PPP1R13B: variants seen among roughly 807,000 people sequenced by gnomAD.
The protein encoded by PPP1R13B is protein phosphatase 1 regulatory subunit 13B.
In PPP1R13B, 44 loss-of-function variants were observed where a neutral mutation model predicts 119.8. The observed-to-expected ratio is 0.37, with a 90% CI of 0.29 to 0.47. The LOEUF is 0.47. Ranked by LOEUF, PPP1R13B falls within the 20% of genes least tolerant of loss-of-function variation. PPP1R13B has a pLI of 0.99. For missense variants in PPP1R13B, 1,227 were observed against 1,413.5 expected, an observed-to-expected ratio of 0.87 and a Z score of 2.12; for synonymous variants, 542 against 561.5, an observed-to-expected ratio of 0.97 and a Z score of 0.49.
At chr14:103,783,874 C>T (rs1402238346) in intron 3 of PPP1R13B, among the ~76,000 whole-genome samples, 1 of 152,176 alleles carries the variant, frequency 6.6e-6, no homozygotes, top group Admixed American at 6.5e-5. Context: ...ATTCATTTAT[C>T]AGTCTTGTCT....
chr14:103,740,654 C>T lies in PPP1R13B; in HGVS notation c.1823-61G>A, dbSNP rs1448241259. The stretch of plus-strand genomic sequence containing the variant: ...CACTACAGAGATCTAGTCATACACA[C>T]CTATGATTACACCAGAGACAGGCTC... On this transcript the variant is annotated intron_variant, in intron 11 of 16. Transcript: ENST00000202556. This position sits in a 1 kb window ranked among gnomAD's most constrained non-coding sequence, Gnocchi z 4.6. The T allele has an allele frequency of 2.2e-6, 3 of 1,341,786 alleles. No individual in the cohort carries two copies. Among genetic ancestry groups the T allele is most frequent in the East Asian group, 2.4e-5 (1 of 41,060 alleles). The allele number at this position is 1,341,786 out of a possible 1,614,324, so 83.1% of individuals were successfully genotyped here.
intron 1 of PPP1R13B, among the ~76,000 whole-genome samples, chr14:103,840,696 C>T (rs2152086978): frequency 6.6e-6 from 1 of 151,856 alleles, no homozygotes; most frequent in Non-Finnish European, 1.5e-5. Context: ...GAGGATGAGG[C>T]AGGAAAATTG....
chr14:103,806,989 G>C (rs143985242), intron 1 of PPP1R13B, among the ~76,000 whole-genome samples: 2 of 152,118 alleles, frequency 1.3e-5, no homozygotes, highest in African/African-American at 2.4e-5. Context: ...TTTCCTCTCT[G>C]AGAATAAATT....
At chr14:103,784,162 T>C (rs1333361578) in intron 3 of PPP1R13B, among the ~76,000 whole-genome samples, 6 of 151,688 alleles carry the variant, frequency 4.0e-5, no homozygotes, top group Non-Finnish European at 5.9e-5. Flanking sequence ...GGTGACAGAG[T>C]GAGACTCCAT....
At chr14:103,796,647 A>C (rs765362382) in intron 2 of PPP1R13B, among the ~76,000 whole-genome samples, 18 of 152,134 alleles carry the variant, frequency 1.2e-4, no homozygotes. Flanking sequence ...AGATATGAAA[A>C]TATATGTCCA....
At position 103,847,064 on chromosome 14, in the gene PPP1R13B, C is replaced by A. The variant is rs1447240682; in HGVS notation, c.9+235G>T. 7 of 1,014,532 alleles carry A rather than the reference C, an allele frequency of 6.9e-6. No individual in the cohort carries two copies. In the South Asian group the frequency reaches 2.5e-4, roughly 36 times the overall value. 62.8% of individuals were successfully genotyped at this position (1,014,532 alleles called of 1,614,324 possible). A position where few individuals can be genotyped will look rare whatever the true frequency, so the allele number is the denominator to read the frequency against. On this transcript the variant is annotated intron_variant, in intron 1 of 16. Transcript: ENST00000202556. The stretch of plus-strand genomic sequence containing the variant: ...ATGCATCTGCTTCTCCCCGCGGCCG[C>A]GGAGGCCGAGCAGGAAGGGCCCGCA...
intron 4 of PPP1R13B, among the ~76,000 whole-genome samples, chr14:103,775,363 C>T (rs1372478196): frequency 6.6e-6 from 1 of 151,902 alleles, no homozygotes; most frequent in Non-Finnish European, 1.5e-5. Context: ...CAACCTCTGT[C>T]TCCTGGGTTC....
chr14:103,788,433 T>A (rs1044262696), intron 2 of PPP1R13B, among the ~76,000 whole-genome samples: 4 of 152,216 alleles, frequency 2.6e-5, no homozygotes, highest in African/African-American at 9.6e-5. Context: ...GTAATTTTAG[T>A]GTAATTTCAG....
chr14:103,768,015 CTT>C (rs916050640), intron 4 of PPP1R13B, among the ~76,000 whole-genome samples: 2 of 152,088 alleles, frequency 1.3e-5, no homozygotes, highest in African/African-American at 4.8e-5. Context: ...AACCATCTTG[CTT>C]TTGTGTCTTT....
chr14:103,819,036 T>C (rs1470937462), intron 1 of PPP1R13B, among the ~76,000 whole-genome samples: 1 of 152,122 alleles, frequency 6.6e-6, no homozygotes, highest in Non-Finnish European at 1.5e-5. Flanking sequence ...GGAGAAAGGA[T>C]GAGCCATAAT....
intron 4 of PPP1R13B, among the ~76,000 whole-genome samples, chr14:103,775,964 T>TAC (rs2085176931): frequency 6.6e-6 from 1 of 152,000 alleles, no homozygotes; most frequent in Non-Finnish European, 1.5e-5. Context: ...TAATCTAGTA[T>TAC]ACCACATGGC....
intron 1 of PPP1R13B, among the ~76,000 whole-genome samples, chr14:103,809,964 C>G (rs2086109653): frequency 6.6e-6 from 1 of 151,338 alleles, no homozygotes; most frequent in African/African-American, 2.4e-5. Context: ...GTAGCTGGGA[C>G]TAGAGGCATG....
At chr14:103,818,156 C>T (rs2086323051) in intron 1 of PPP1R13B, among the ~76,000 whole-genome samples, 1 of 152,150 alleles carries the variant, frequency 6.6e-6, no homozygotes, top group Non-Finnish European at 1.5e-5. Context: ...GCTAGCCTGC[C>T]ACCATGCAAA....
At chr14:103,803,586 G>T (rs977920553) in intron 1 of PPP1R13B, among the ~76,000 whole-genome samples, 17 of 152,000 alleles carry the variant, frequency 1.1e-4, no homozygotes, top group African/African-American at 3.6e-4. Flanking sequence ...GAGCTTGCAG[G>T]GAGCCGAGAT....
chr14:103,834,061 C>T (rs1390875999), intron 1 of PPP1R13B, among the ~76,000 whole-genome samples: 1 of 152,152 alleles, frequency 6.6e-6, no homozygotes, highest in East Asian at 1.9e-4. Context: ...CAAATAAACA[C>T]CAGGCTGATA....
rs1033353596 is a variant in PPP1R13B at position 103,739,546 on chromosome 14, G to T, written c.2592+278C>A. 1.4e-4 allele frequency among the ~76,000 whole-genome samples: 22 copies of T among 152,154 alleles called. 1 individual carries two copies. The highest frequency in any genetic ancestry group is 2.6e-4 in the Non-Finnish European group (18 of 68,028). On this transcript the variant is annotated intron_variant, in intron 12 of 16. Transcript: ENST00000202556. Reference sequence around the variant, plus strand: ...CTCTACAGGACCTTCAGGTGCCAGCGACAGCTCCCCTTCCTCAGGAAAGCC... The same window carrying T: ...CTCTACAGGACCTTCAGGTGCCAGCTACAGCTCCCCTTCCTCAGGAAAGCC...
At chr14:103,823,116 A>T (rs35063049) in intron 1 of PPP1R13B, among the ~76,000 whole-genome samples, 6,547 of 152,204 alleles carry the variant, frequency 0.043, 210 homozygotes, top group Middle Eastern at 0.11. Context: ...AGGCAGGCAG[A>T]TCATGAGGTC....
chr14:103,778,600 C>T lies in PPP1R13B; in HGVS notation c.354+145G>A, dbSNP rs147084530. The T allele has an allele frequency of 1.1e-5, 7 of 659,020 alleles. No homozygotes were observed. In the Admixed American group the frequency reaches 1.9e-4, roughly 18 times the overall value. The allele number at this position is 659,020 out of a possible 1,614,324, so 40.8% of individuals were successfully genotyped here. A position where few individuals can be genotyped will look rare whatever the true frequency, so the allele number is the denominator to read the frequency against. On this transcript the variant is annotated intron_variant, in intron 4 of 16. Coordinates refer to ENST00000202556, the MANE Select transcript of PPP1R13B (RefSeq NM_015316.3). ...TTAAAACCTTTTATAGACAGAGGGT[C>T]TCACCATCTTGCTCCAGCTGATCTC...
chr14:103,808,844 G>GA (rs1361531436), intron 1 of PPP1R13B, among the ~76,000 whole-genome samples: 1 of 152,084 alleles, frequency 6.6e-6, no homozygotes, highest in Non-Finnish European at 1.5e-5. Flanking sequence ...TACGAAGGCA[G>GA]AGACAGCTAT....
Sources: gnomAD v4.1 joint callset for allele counts (sites outside exome capture counted in the v4.1 genomes callset) on GRCh38, gnomAD v4.1.1 for gene constraint, Gnocchi (gnomAD v3.1) non-coding constraint, MANE v1.5 for transcripts, NCBI Gene and HGNC (gene_info 2026-07-23, HGNC 2026-07-21) for gene names.